RUSC2: variants seen among roughly 807,000 people sequenced by gnomAD.
RUSC2 encodes RUN and SH3 domain containing 2, also known as AP-4 complex accessory subunit RUSC2.
In RUSC2, 34 loss-of-function variants were observed where a neutral mutation model predicts 122.2. The ratio of observed to expected loss-of-function variants is 0.28; its 90% CI spans 0.21 to 0.37. The LOEUF (loss-of-function observed/expected upper bound fraction) is 0.37. RUSC2 is among the 10% of genes least tolerant of loss of function. The pLI is 1.00. For missense variants in RUSC2, 1,747 were observed against 1,952.4 expected, an observed-to-expected ratio of 0.89 and a Z score of 1.98; for synonymous variants, 784 against 790.0, an observed-to-expected ratio of 0.99 and a Z score of 0.13.
At chr9:35,506,511 T>G (rs755971197) in intron 1 of RUSC2, among the ~76,000 whole-genome samples, 1 of 152,176 alleles carries the variant, frequency 6.6e-6, no homozygotes, top group Non-Finnish European at 1.5e-5. Flanking sequence ...GTAGAATGAA[T>G]AGAGAATGAA....
intron 1 of RUSC2, among the ~76,000 whole-genome samples, chr9:35,532,747 G>A (rs1403776508): frequency 6.7e-6 from 1 of 150,160 alleles, no homozygotes; most frequent in Non-Finnish European, 1.5e-5. Flanking sequence ...TGTCTTAAAT[G>A]TCTCAAAAAA....
In RUSC2 at chr9:35,501,715, G is replaced by A. The variant is rs563037404; in HGVS notation, c.-93+11543G>A. On this transcript the variant is annotated intron_variant, in intron 1 of 11. Transcript: ENST00000361226. ...CACCAGTAGCAGCCAACCATGGTTC[G>A]AGAGACATGTAACCAAAATATGTGC... Among the ~76,000 whole-genome samples, 10 of 152,282 alleles carry A rather than the reference G, an allele frequency of 6.6e-5. 1 individual carries two copies. Among genetic ancestry groups the A allele is most frequent in the Admixed American group, 6.5e-4 (10 of 15,292 alleles).
intron 1 of RUSC2, among the ~76,000 whole-genome samples, chr9:35,517,712 C>T (rs545126213): frequency 1.6e-4 from 24 of 152,276 alleles, no homozygotes; most frequent in Non-Finnish European, 2.9e-4. Context: ...CATCTCTGGG[C>T]ACAGACTGGG....
intron 1 of RUSC2, among the ~76,000 whole-genome samples, chr9:35,525,928 AAAG>A (rs1821317476): frequency 6.6e-6 from 1 of 152,170 alleles, no homozygotes; most frequent in Non-Finnish European, 1.5e-5. Context: ...AAAAAAAAGA[AAAG>A]AAATACAAAA....
intron 8 of RUSC2, 65 bp from the exon 9 acceptor site, chr9:35,559,161 G>A: frequency 7.6e-7 from 1 of 1,316,210 alleles, no homozygotes; most frequent in Non-Finnish European, 1.1e-6. Context: ...CTGACCCCCT[G>A]GATCTGTCTC....
intron 1 of RUSC2, among the ~76,000 whole-genome samples, chr9:35,525,022 C>T (rs2132522586): frequency 6.6e-6 from 1 of 151,328 alleles, no homozygotes; most frequent in Admixed American, 6.6e-5. Flanking sequence ...TAAAAATGAG[C>T]CATTTAAAAA....
chr9:35,511,758 T>G (rs928195466), intron 1 of RUSC2, among the ~76,000 whole-genome samples: 1 of 152,240 alleles, frequency 6.6e-6, no homozygotes, highest in Non-Finnish European at 1.5e-5. Flanking sequence ...TAAATGGTTA[T>G]AATATACTTT....
At chr9:35,559,500 C>T (rs1223043079) in intron 9 of RUSC2, among the ~76,000 whole-genome samples, 2 of 152,072 alleles carry the variant, frequency 1.3e-5, no homozygotes, top group Non-Finnish European at 2.9e-5. Context: ...TTTGGGAGGC[C>T]GAGGCACGTG....
chr9:35,525,487 TA>T (rs1821306780), intron 1 of RUSC2, among the ~76,000 whole-genome samples: 1 of 151,886 alleles, frequency 6.6e-6, no homozygotes, highest in African/African-American at 2.4e-5. Context: ...CCAACATCCC[TA>T]TTTTTTTTTT....
At chr9:35,538,159 G>A (rs1000915656) in intron 1 of RUSC2, among the ~76,000 whole-genome samples, 6 of 152,156 alleles carry the variant, frequency 3.9e-5, no homozygotes, top group Non-Finnish European at 8.8e-5. Flanking sequence ...GGACCCAGCT[G>A]AGCACTGACC....
chr9:35,493,652 G>A (rs1033850973), intron 1 of RUSC2, among the ~76,000 whole-genome samples: 2 of 151,932 alleles, frequency 1.3e-5, no homozygotes, highest in African/African-American at 2.4e-5. Context: ...ACAGGTGCAC[G>A]CCACCACGCC....
At chr9:35,552,873 G>A (rs981795783) in intron 2 of RUSC2, among the ~76,000 whole-genome samples, 1 of 152,156 alleles carries the variant, frequency 6.6e-6, no homozygotes, top group Non-Finnish European at 1.5e-5. Flanking sequence ...CCCCACAGGG[G>A]CCCCCTTCTT....
At chr9:35,509,349 C>A (rs1587840060) in intron 1 of RUSC2, among the ~76,000 whole-genome samples, 1 of 152,232 alleles carries the variant, frequency 6.6e-6, no homozygotes, top group East Asian at 1.9e-4. Context: ...ATAATTAGAT[C>A]TTTTAAGGAG....
intron 1 of RUSC2, among the ~76,000 whole-genome samples, chr9:35,516,022 A>AAAAAG (rs1554724501): frequency 8.6e-5 from 11 of 127,202 alleles, no homozygotes; most frequent in Non-Finnish European, 1.8e-4. Flanking sequence ...AAAAAAAAAA[A>AAAAAG]AGAGAAATGC....
Position 35,558,598 on chromosome 9 carries a change from A to C in RUSC2, c.3341+31A>C. The C allele has an allele frequency of 1.3e-6, 2 of 1,552,482 alleles. No individual in the cohort carries two copies. The highest frequency in any genetic ancestry group is 1.8e-6 in the Non-Finnish European group (2 of 1,124,388). Reference sequence around the variant, plus strand: ...TGCACAGAGCAGCAAGATCCCCTAAACAACTTGCCCTGCCCCCCACCCCCG... The same window carrying C: ...TGCACAGAGCAGCAAGATCCCCTAACCAACTTGCCCTGCCCCCCACCCCCG... On this transcript the variant is annotated intron_variant, in intron 8 of 11. Coordinates refer to ENST00000361226, the MANE Select transcript of RUSC2 (RefSeq NM_014806.5). The surrounding 1 kb of genome is among the most constrained non-coding windows in gnomAD (Gnocchi z 4.3).
chr9:35,505,619 T>A (rs1411327896), intron 1 of RUSC2, among the ~76,000 whole-genome samples: 4 of 152,308 alleles, frequency 2.6e-5, no homozygotes, highest in East Asian at 3.9e-4. Context: ...TTGACCTCTT[T>A]CATTTAATAT....
At chr9:35,540,345 C>T (rs531960432) in intron 1 of RUSC2, among the ~76,000 whole-genome samples, 12 of 152,276 alleles carry the variant, frequency 7.9e-5, no homozygotes, top group African/African-American at 2.9e-4. Context: ...GTAGCCTAAG[C>T]AACAAAGCTA....
At position 35,558,616 on chromosome 9, in the gene RUSC2, C is replaced by A. The variant is rs750231486; in HGVS notation, c.3341+49C>A. The stretch of plus-strand genomic sequence containing the variant: ...CCCCTAAACAACTTGCCCTGCCCCC[C>A]ACCCCCGGGCTCTGCCTGCACCAAG... On this transcript the variant is annotated intron_variant, in intron 8 of 11. Coordinates refer to ENST00000361226, the MANE Select transcript of RUSC2 (RefSeq NM_014806.5). The surrounding 1 kb of genome is among the most constrained non-coding windows in gnomAD (Gnocchi z 4.3). The A allele has an allele frequency of 9.6e-6, 14 of 1,450,948 alleles. No homozygotes were observed. The East Asian group carries it at 1.8e-4, about 19-fold the overall frequency. 89.9% of individuals were successfully genotyped at this position (1,450,948 alleles called of 1,614,324 possible). A position where few individuals can be genotyped will look rare whatever the true frequency, so the allele number is the denominator to read the frequency against.
In RUSC2 at chr9:35,548,521, G is replaced by A. The variant is rs1311583141; in HGVS notation, c.2000G>A (p.Arg667Lys). ...PANSHTQRDA[R>K]ARADGGGTES... ...AACAGCCATACCCAGAGGGATGCAA[G>A]AGCTAGAGCTGACGGTAAGGAGCCT... Residue 667 changes from arginine to lysine, a missense_variant, in exon 2 of 12, where the codon AGA becomes AAA. Physicochemically the swap from Arg to Lys is conservative, Grantham distance 26. Transcript: ENST00000361226. The surrounding 1 kb of genome is among the most constrained non-coding windows in gnomAD (Gnocchi z 4.5). The A allele has an allele frequency of 1.9e-6, 3 of 1,611,312 alleles. No individual in the cohort carries two copies. The highest frequency in any genetic ancestry group is 8.5e-7 in the Non-Finnish European group (1 of 1,179,186).
Sources: allele counts gnomAD v4.1 joint callset (sites outside exome capture counted in the v4.1 genomes callset), GRCh38; gene constraint gnomAD v4.1.1; non-coding constraint Gnocchi (gnomAD v3.1); transcripts MANE v1.5; gene names NCBI Gene and HGNC (gene_info 2026-07-23, HGNC 2026-07-21).